The following EPHA7 variants were observed in gnomAD, a reference collection of about 807,000 sequenced individuals.
EPHA7 encodes EPH receptor A7, also known as ephrin type-A receptor 7.
EPHA7 carries 25 observed loss-of-function variants against 112.6 expected under a neutral mutation model. The observed-to-expected ratio is 0.22, with a 90% CI of 0.16 to 0.31. The LOEUF (loss-of-function observed/expected upper bound fraction) is 0.31. EPHA7 is among the 10% of genes least tolerant of loss of function. EPHA7 has a pLI of 1.00. For synonymous variants in EPHA7, 437 were observed against 406.5 expected (o/e 1.07, Z -0.90); for missense variants, 962 against 1,212.6 (o/e 0.79, Z 3.07).
intron 3 of EPHA7, among the ~76,000 whole-genome samples, chr6:93,408,560 A>G (rs1055399393): frequency 6.6e-6 from 1 of 151,944 alleles, no homozygotes; most frequent in Non-Finnish European, 1.5e-5. Context: ...GACAGGTTTG[A>G]CTCCTTCAGG....
intron 3 of EPHA7, among the ~76,000 whole-genome samples, chr6:93,376,599 T>A (rs1777070620): frequency 6.6e-6 from 1 of 152,190 alleles, no homozygotes; most frequent in African/African-American, 2.4e-5. Context: ...GAAAATCGTG[T>A]CCTTCCCTTA....
At position 93,409,135 on chromosome 6, in the gene EPHA7, A is replaced by T. The variant is rs555333202; in HGVS notation, c.832+1366T>A. Among the ~76,000 whole-genome samples, 210 of 152,212 alleles carry T rather than the reference A, an allele frequency of 1.4e-3. 2 individuals are homozygous for T. Among genetic ancestry groups the T allele is most frequent in the Middle Eastern group, 6.8e-3 (2 of 294 alleles). On this transcript the variant is annotated intron_variant, in intron 3 of 16. Coordinates refer to ENST00000369303, the MANE Select transcript of EPHA7 (RefSeq NM_004440.4). ...CACAGGTCTAAACTTTTTAAAAATT[A>T]TTTAATTTTAAAAATATTCTACTAG...
intron 2 of EPHA7, 46 bp downstream of exon 2, chr6:93,414,657 G>C (rs746472385): frequency 2.7e-6 from 4 of 1,456,788 alleles, no homozygotes; most frequent in Non-Finnish European, 2.9e-6. Flanking sequence ...GAAACGTTTT[G>C]TTTCTTATTT....
At chr6:93,362,172 T>A (rs867053695) in intron 3 of EPHA7, among the ~76,000 whole-genome samples, 1 of 151,990 alleles carries the variant, frequency 6.6e-6, no homozygotes, top group Non-Finnish European at 1.5e-5. Context: ...TCAGATTTCA[T>A]ATGTTAAGCA....
chr6:93,270,820 GACAC>G (rs1295706525), intron 6 of EPHA7, among the ~76,000 whole-genome samples: 1 of 151,700 alleles, frequency 6.6e-6, no homozygotes, highest in Non-Finnish European at 1.5e-5. Flanking sequence ...TAACTCAGGT[GACAC>G]AAACATCACG....
At chr6:93,380,624 G>A (rs1582632917) in intron 3 of EPHA7, among the ~76,000 whole-genome samples, 1 of 152,220 alleles carries the variant, frequency 6.6e-6, no homozygotes, top group South Asian at 2.1e-4. Context: ...TCAAGGAAAT[G>A]CTGCAGCAAA....
At chr6:93,300,147 G>A (rs1582476342) in intron 5 of EPHA7, among the ~76,000 whole-genome samples, 1 of 152,202 alleles carries the variant, frequency 6.6e-6, no homozygotes, top group East Asian at 1.9e-4. Context: ...AAAAAGATAG[G>A]TATAGTGATT....
intron 5 of EPHA7, among the ~76,000 whole-genome samples, chr6:93,351,137 T>C (rs1188844341): frequency 6.6e-6 from 1 of 152,200 alleles, no homozygotes; most frequent in Non-Finnish European, 1.5e-5. Context: ...ATTTAGAATT[T>C]CCTTTCTGAA....
intron 5 of EPHA7, among the ~76,000 whole-genome samples, chr6:93,312,033 T>G (rs1419282618): frequency 1.3e-5 from 2 of 152,208 alleles, no homozygotes; most frequent in Non-Finnish European, 2.9e-5. Context: ...ACATATGTGC[T>G]GTTATCAAGG....
chr6:93,352,858 T>C (rs1477245769), intron 5 of EPHA7, among the ~76,000 whole-genome samples: 1 of 152,100 alleles, frequency 6.6e-6, no homozygotes, highest in Admixed American at 6.6e-5. Flanking sequence ...TACCACATGT[T>C]CTTACTTATA....
chr6:93,407,143 A>C (rs1229819491), intron 3 of EPHA7, among the ~76,000 whole-genome samples: 1 of 152,020 alleles, frequency 6.6e-6, no homozygotes, highest in East Asian at 1.9e-4. Flanking sequence ...ACATCAACTC[A>C]TCAAACCTAC....
chr6:93,403,452 C>T (rs954007643), intron 3 of EPHA7, among the ~76,000 whole-genome samples: 1 of 151,448 alleles, frequency 6.6e-6, no homozygotes, highest in Non-Finnish European at 1.5e-5. Flanking sequence ...TGCAATGATT[C>T]CCCTAGGGAA....
At chr6:93,357,217 C>G (rs1467645569) in intron 4 of EPHA7, among the ~76,000 whole-genome samples, 165 bp from the exon 5 acceptor site, 2 of 152,120 alleles carry the variant, frequency 1.3e-5, no homozygotes, top group Non-Finnish European at 2.9e-5. Context: ...ATTACCTTTA[C>G]TAGAGAAGCT....
intron 3 of EPHA7, among the ~76,000 whole-genome samples, chr6:93,396,710 T>C (rs1215421683): frequency 6.6e-6 from 1 of 151,882 alleles, no homozygotes; most frequent in Non-Finnish European, 1.5e-5. Context: ...AGTACTACAA[T>C]ATATAGCTAT....
chr6:93,295,000 AC>A (rs1263033476), intron 5 of EPHA7, among the ~76,000 whole-genome samples: 1 of 151,806 alleles, frequency 6.6e-6, no homozygotes, highest in African/African-American at 2.4e-5. Flanking sequence ...CAGTGTGTTT[AC>A]TTTTTGAAAC....
At chr6:93,365,363 T>C (rs1776456821) in intron 3 of EPHA7, among the ~76,000 whole-genome samples, 1 of 152,224 alleles carries the variant, frequency 6.6e-6, no homozygotes, top group South Asian at 2.1e-4. Context: ...ATTTTATTTA[T>C]TGCAGATGAA....
In EPHA7 at chr6:93,252,115, T is replaced by C. The variant is rs1419709958; in HGVS notation, c.2532+2532A>G. ...AAACTGTTCAGATAGTCCAGAACTT[T>C]CTCACTCATTAGCTTCTACACCACC... On this transcript the variant is annotated intron_variant, in intron 14 of 16. Transcript: ENST00000369303. 2.8e-5 allele frequency among the ~76,000 whole-genome samples: 3 copies of C among 108,888 alleles called. No homozygotes were observed. The East Asian group carries it at 1.0e-3, about 37-fold the overall frequency. The allele number at this position is 108,888 out of a possible 152,430, so 71.4% of individuals were successfully genotyped here.
chr6:93,347,131 C>T (rs1367738506), intron 5 of EPHA7, among the ~76,000 whole-genome samples: 2 of 151,742 alleles, frequency 1.3e-5, no homozygotes, highest in African/African-American at 4.8e-5. Flanking sequence ...GAGCTATAAA[C>T]ACTTTTTCCT....
chr6:93,320,906 T>C (rs951991191), intron 5 of EPHA7, among the ~76,000 whole-genome samples: 1 of 151,996 alleles, frequency 6.6e-6, no homozygotes, highest in Admixed American at 6.6e-5. Flanking sequence ...TTTTGATTCA[T>C]TGAAATATAA....
Sources: gnomAD v4.1 joint callset for allele counts (sites outside exome capture counted in the v4.1 genomes callset) on GRCh38, gnomAD v4.1.1 for gene constraint, MANE v1.5 for transcripts, NCBI Gene and HGNC (gene_info 2026-07-23, HGNC 2026-07-21) for gene names.